Variants in FBXO42 observed in about 807,000 individuals in gnomAD.
The protein encoded by FBXO42 is F-box protein 42.
A neutral mutation model predicts 71.7 loss-of-function variants in FBXO42; 12 were observed. The ratio of observed to expected loss-of-function variants is 0.17; its 90% CI spans 0.11 to 0.27. The LOEUF is 0.27. Among genes scored for constraint, FBXO42 ranks in the 10% least tolerant of loss-of-function variants. FBXO42 has a pLI of 1.00. For synonymous variants in FBXO42, 325 were observed against 327.5 expected (o/e 0.99, Z 0.08); for missense variants, 707 against 911.9 (o/e 0.78, Z 2.89).
At chr1:16,284,156 TAGA>T (rs1302165620) in intron 4 of FBXO42, among the ~76,000 whole-genome samples, 1 of 152,220 alleles carries the variant, frequency 6.6e-6, no homozygotes, top group Non-Finnish European at 1.5e-5. Context: ...CAGACAATAC[TAGA>T]AGGTGAAACA....
chr1:16,321,674 T>C (rs958580186), intron 1 of FBXO42, among the ~76,000 whole-genome samples: 3 of 151,312 alleles, frequency 2.0e-5, no homozygotes, highest in African/African-American at 7.3e-5. Context: ...CAGAACACCT[T>C]TGTGCTGAGC....
intron 1 of FBXO42, among the ~76,000 whole-genome samples, chr1:16,318,237 G>C (rs552426827): frequency 6.6e-6 from 1 of 152,064 alleles, no homozygotes; most frequent in African/African-American, 2.4e-5. Context: ...TGGCCAGCAT[G>C]GTGAAACCCG....
At chr1:16,286,302 G>C (rs1171577078) in intron 4 of FBXO42, among the ~76,000 whole-genome samples, 1 of 152,180 alleles carries the variant, frequency 6.6e-6, no homozygotes, top group African/African-American at 2.4e-5. Flanking sequence ...ATAAAGGAAA[G>C]AGGTTTAATT....
intron 2 of FBXO42, among the ~76,000 whole-genome samples, chr1:16,309,218 C>T (rs913101427): frequency 6.6e-6 from 1 of 151,534 alleles, no homozygotes; most frequent in Non-Finnish European, 1.5e-5. Context: ...CAGGCACGCG[C>T]CACCATACCC....
At chr1:16,299,846 T>C (rs1027791828) in intron 3 of FBXO42, among the ~76,000 whole-genome samples, 9 of 152,128 alleles carry the variant, frequency 5.9e-5, no homozygotes, top group African/African-American at 2.2e-4. Context: ...AGTTTCACCA[T>C]GTTGGCCAGG....
At chr1:16,255,972 G>A in intron 5 of FBXO42, 151 bp from the exon 6 acceptor site, 1 of 607,736 alleles carries the variant, frequency 1.6e-6, no homozygotes, top group Non-Finnish European at 2.8e-6. Context: ...ATGTATTTAT[G>A]CCTTTCCTAC....
At chr1:16,259,664 G>C (rs113628489) in intron 4 of FBXO42, among the ~76,000 whole-genome samples, 12,320 of 151,584 alleles carry the variant, frequency 0.081, 683 homozygotes, top group Non-Finnish European at 0.12. Flanking sequence ...TACTCAGGAG[G>C]CTGAGGCACA....
chr1:16,325,681 G>C (rs1277734047), intron 1 of FBXO42, among the ~76,000 whole-genome samples: 3 of 152,124 alleles, frequency 2.0e-5, no homozygotes, highest in Non-Finnish European at 2.9e-5. Context: ...GTTTTTGAGA[G>C]AGTCTGGCTT....
chr1:16,333,789 G>A (rs1463173065), intron 1 of FBXO42, among the ~76,000 whole-genome samples: 1 of 152,118 alleles, frequency 6.6e-6, no homozygotes, highest in Non-Finnish European at 1.5e-5. Flanking sequence ...GTCTTTTTAT[G>A]TGTGTTGAAT....
intron 4 of FBXO42, among the ~76,000 whole-genome samples, chr1:16,291,647 G>C (rs2082080537): frequency 6.6e-6 from 1 of 152,072 alleles, no homozygotes; most frequent in Non-Finnish European, 1.5e-5. Flanking sequence ...CTCTCGAAGT[G>C]CCAGGATTGT....
intron 4 of FBXO42, among the ~76,000 whole-genome samples, chr1:16,268,997 G>C (rs1433894935): frequency 6.6e-6 from 1 of 151,714 alleles, no homozygotes; most frequent in African/African-American, 2.4e-5. Context: ...TAGCAGAGAT[G>C]GGAGTGTTTC....
chr1:16,306,015 CAA>C lies in FBXO42; in HGVS notation c.251-98_251-97del, dbSNP rs2082246297. 7.5e-6 allele frequency: 7 copies of C among 927,300 alleles called. No individual in the cohort carries two copies. In the South Asian group the frequency reaches 8.9e-5, roughly 12 times the overall value. The allele number at this position is 927,300 out of a possible 1,614,324, so 57.4% of individuals were successfully genotyped here. ...ATTACCTGTTTTTATCATTTTTATA[CAA>C]GTTTCTTTTTTTTTTCTTTTTTTGA... On this transcript the variant is annotated intron_variant, in intron 2 of 9. Transcript: ENST00000375592.
chr1:16,272,328 T>C (rs554719657), intron 4 of FBXO42, among the ~76,000 whole-genome samples: 98 of 150,306 alleles, frequency 6.5e-4, no homozygotes, highest in Non-Finnish European at 1.2e-3. Flanking sequence ...GGCACGATCT[T>C]GGCTCACCGC....
rs1400644129 is a variant in FBXO42, at chr1:16,253,707, G to A, written c.792C>T (p.Asp264=). 6.2e-7 allele frequency: 1 copy of A among 1,614,202 alleles called. No individual in the cohort carries two copies. The highest frequency in any genetic ancestry group is 1.1e-5 in the South Asian group (1 of 91,078). ...RQMSNDVWVL[D]LEQWAWSKPN... is the part of the protein sequence containing the mutation. ...GCTTGGACCACGCCCACTGCTCAAG[G>A]TCAAGGACCCAGACATCATTGCTCC... is the stretch of plus-strand genomic sequence containing the variant. The change falls in exon 7 of 10, where the codon GAC becomes GAT. Residue 264 remains aspartate (D), a synonymous_variant. Transcript: ENST00000375592.
chr1:16,253,710 A>G lies in FBXO42; in HGVS notation c.789T>C (p.Leu263=), dbSNP rs1210591748. 2 of 1,614,104 alleles carry G rather than the reference A, an allele frequency of 1.2e-6. No individual in the cohort carries two copies. Among genetic ancestry groups the G allele is most frequent in the African/African-American group, 2.7e-5 (2 of 74,952 alleles). ...SRQMSNDVWV[L]DLEQWAWSKP... is the part of the protein sequence containing the mutation. ...TGGACCACGCCCACTGCTCAAGGTC[A>G]AGGACCCAGACATCATTGCTCCTGT... is the stretch of plus-strand genomic sequence containing the variant. The change falls in exon 7 of 10, where the codon CTT becomes CTC. Residue 263 remains leucine (L), a synonymous_variant. Transcript: ENST00000375592.
intron 2 of FBXO42, among the ~76,000 whole-genome samples, chr1:16,309,794 G>A (rs1002055507): frequency 6.6e-6 from 1 of 151,776 alleles, no homozygotes; most frequent in African/African-American, 2.4e-5. Flanking sequence ...CCTGTAATCC[G>A]AGCATTTTGG....
intron 4 of FBXO42, among the ~76,000 whole-genome samples, chr1:16,257,338 G>A (rs889364518): frequency 1.3e-5 from 2 of 152,178 alleles, no homozygotes; most frequent in Admixed American, 6.5e-5. Context: ...CAGGCCCCTA[G>A]CTATGGGCTT....
chr1:16,322,451 C>G (rs2082416106), intron 1 of FBXO42, among the ~76,000 whole-genome samples: 1 of 152,176 alleles, frequency 6.6e-6, no homozygotes, highest in African/African-American at 2.4e-5. Context: ...AGGCGCATGC[C>G]TGTAATCCCA....
intron 5 of FBXO42, 118 bp from the exon 6 acceptor site, chr1:16,255,939 GATA>G (rs1331054858): frequency 4.2e-6 from 3 of 711,284 alleles, no homozygotes; most frequent in African/African-American, 1.8e-5. Context: ...GATTTGTTGG[GATA>G]ATAAGTAGAG....
Sources: allele counts gnomAD v4.1 joint callset (sites outside exome capture counted in the v4.1 genomes callset), GRCh38; gene constraint gnomAD v4.1.1; transcripts MANE v1.5; gene names NCBI Gene and HGNC (gene_info 2026-07-23, HGNC 2026-07-21).